Variants in RAPH1 observed in about 807,000 individuals in gnomAD.
RAPH1 encodes the protein Ras association (RalGDS/AF-6) and pleckstrin homology domains 1.
A neutral mutation model predicts 88.1 loss-of-function variants in RAPH1; 18 were observed. The observed-to-expected ratio is 0.20, with a 90% CI of 0.14 to 0.30. The LOEUF (loss-of-function observed/expected upper bound fraction) is 0.30, where lower values mean the gene tolerates loss of function less well. Among genes scored for constraint, RAPH1 ranks in the 10% least tolerant of loss-of-function variants. The pLI is 1.00. For synonymous variants in RAPH1, 587 were observed against 559.0 expected (o/e 1.05, Z -0.71); for missense variants, 1,448 against 1,543.2 (o/e 0.94, Z 1.03).
chr2:203,449,804 C>G (rs2098513197), intron 10 of RAPH1, among the ~76,000 whole-genome samples: 1 of 152,098 alleles, frequency 6.6e-6, no homozygotes, highest in Admixed American at 6.5e-5. Context: ...GCGGGTGGAT[C>G]AAGGAGTCAG....
chr2:203,444,807 A>T, intron 13 of RAPH1, 61 bp downstream of exon 13: 1 of 1,510,710 alleles, frequency 6.6e-7, no homozygotes, highest in Non-Finnish European at 9.1e-7. Flanking sequence ...TAAGAGAGCA[A>T]CAATTTAAAC....
intron 1 of RAPH1, among the ~76,000 whole-genome samples, chr2:203,521,420 T>C (rs1689862863): frequency 6.6e-6 from 1 of 152,140 alleles, no homozygotes; most frequent in Non-Finnish European, 1.5e-5. Context: ...CACAGAAGAA[T>C]ATTAAGTAAA....
chr2:203,488,846 G>A (rs905354592), intron 4 of RAPH1, among the ~76,000 whole-genome samples: 7 of 151,866 alleles, frequency 4.6e-5, no homozygotes, highest in Non-Finnish European at 8.8e-5. Context: ...ATGGAGGGCC[G>A]GGCACAGTGG....
intron 1 of RAPH1, among the ~76,000 whole-genome samples, chr2:203,497,198 C>A (rs1688555441): frequency 6.6e-6 from 1 of 152,180 alleles, no homozygotes; most frequent in Admixed American, 6.5e-5. Context: ...TCTCGTGCCT[C>A]CCTGTGGAGG....
chr2:203,509,687 G>A (rs188343619), intron 1 of RAPH1, among the ~76,000 whole-genome samples: 49 of 152,138 alleles, frequency 3.2e-4, no homozygotes, highest in African/African-American at 1.2e-3. Flanking sequence ...GTTTGGATGG[G>A]TATCCCTGCA....
At chr2:203,525,733 G>A (rs1690085894) in intron 1 of RAPH1, among the ~76,000 whole-genome samples, 1 of 151,896 alleles carries the variant, frequency 6.6e-6, no homozygotes, top group Non-Finnish European at 1.5e-5. Context: ...GCTGAGATTG[G>A]GCCACTGCAC....
intron 1 of RAPH1, among the ~76,000 whole-genome samples, chr2:203,520,949 A>C (rs1173057461): frequency 2.0e-5 from 3 of 152,238 alleles, no homozygotes; most frequent in Non-Finnish European, 2.9e-5. Flanking sequence ...GTCCCCCAAA[A>C]GGGGAATGGA....
intron 4 of RAPH1, among the ~76,000 whole-genome samples, chr2:203,488,123 G>A (rs1382464041): frequency 1.3e-5 from 2 of 152,048 alleles, no homozygotes; most frequent in Non-Finnish European, 2.9e-5. Flanking sequence ...CCATCTCTTT[G>A]ATGAAAACAA....
chr2:203,481,015 C>G (rs1172635544), intron 4 of RAPH1, among the ~76,000 whole-genome samples: 7 of 152,072 alleles, frequency 4.6e-5, no homozygotes, highest in Non-Finnish European at 1.0e-4. Context: ...ACCTGCCAGC[C>G]CTCATCTTAA....
At chr2:203,519,111 G>A (rs1447515384) in intron 1 of RAPH1, among the ~76,000 whole-genome samples, 1 of 152,088 alleles carries the variant, frequency 6.6e-6, no homozygotes, top group African/African-American at 2.4e-5. Context: ...ATCTCTTCTC[G>A]AAGATAGAAG....
intron 2 of RAPH1, among the ~76,000 whole-genome samples, chr2:203,494,666 G>A (rs111322454): frequency 7.9e-5 from 12 of 151,842 alleles, no homozygotes; most frequent in African/African-American, 1.7e-4. Flanking sequence ...AAAATTAGCC[G>A]GGCGTGGTGG....
chr2:203,483,403 G>A (rs1484392519), intron 4 of RAPH1, among the ~76,000 whole-genome samples: 4 of 152,142 alleles, frequency 2.6e-5, no homozygotes, highest in African/African-American at 9.7e-5. Flanking sequence ...TTGAAAGGGA[G>A]GTAGAAAGAA....
intron 1 of RAPH1, among the ~76,000 whole-genome samples, chr2:203,531,440 G>A (rs907791379): frequency 5.9e-5 from 9 of 152,274 alleles, no homozygotes; most frequent in African/African-American, 1.9e-4. Flanking sequence ...TATCAAGACA[G>A]TGAAAAGATA....
intron 1 of RAPH1, among the ~76,000 whole-genome samples, chr2:203,506,826 A>C (rs1020676616): frequency 1.6e-3 from 38 of 24,216 alleles, no homozygotes; most frequent in East Asian, 3.3e-3. Flanking sequence ...ATATCTATAT[A>C]TATATCTATA....
In RAPH1 at chr2:203,441,051, AGGGGGTGGT is replaced by A; in HGVS notation, c.2130_2138del (p.Pro717_Pro719del). ...CTGGGGTTGGGGGTGGAGGAGGGGGAGGGGGTGGTGGAACAACTCCATTGGGGGGTACCA... is the reference window on the plus strand; with the variant it reads ...CTGGGGTTGGGGGTGGAGGAGGGGGAGGAACAACTCCATTGGGGGGTACCA... On this transcript the variant is annotated inframe_deletion, in exon 14 of 14. Coordinates refer to ENST00000319170, the MANE Select transcript of RAPH1 (RefSeq NM_213589.3). 3.1e-6 allele frequency: 1 copy of A among 323,180 alleles called. No individual in the cohort carries two copies. The highest frequency in any genetic ancestry group is 4.6e-6 in the Non-Finnish European group (1 of 218,258). The allele number at this position is 323,180 out of a possible 1,614,324, so 20.0% of individuals were successfully genotyped here.
chr2:203,440,452 G>T lies in RAPH1; in HGVS notation c.2738C>A (p.Ser913Tyr). The stretch of plus-strand genomic sequence containing the variant: ...AGGAGGGGGAGGAGGGAAGTCCGGA[G>T]AAGGGACTGGGATGGAGCTGGGCTG... ...KWQPSSIPVPSPDFPPPPPES... is the reference protein window; with the variant it reads ...KWQPSSIPVPYPDFPPPPPES... Residue 913 changes from serine (S) to tyrosine (Y), a missense_variant, in exon 14 of 14, where the codon TCT becomes TAT. This residue lies in a region of RAPH1 where 935 missense variants were observed against 890.1 expected (regional missense o/e 1.05). Transcript: ENST00000319170. 6.5e-7 allele frequency: 1 copy of T among 1,545,226 alleles called. No individual in the cohort carries two copies.
rs1363757348 is a variant in RAPH1 at position 203,440,045 on chromosome 2, T to C, written c.3145A>G (p.Lys1049Glu). ...GVLQQGCVSA[K>E]APVLSGRGKD... is the part of the protein sequence containing the mutation. ...CCACGCCCACTCAGAACAGGGGCTT[T>C]TGCTGACACACACCCTTGTTGGAGA... is the stretch of plus-strand genomic sequence containing the variant. The change falls in exon 14 of 14, where the codon AAA (lysine) becomes GAA (glutamate). Residue 1049 changes from lysine to glutamate, a missense_variant. Around this residue, in one of 2 missense-constraint regions of RAPH1, gnomAD observed 935 missense variants for 890.1 expected, o/e 1.05. Transcript: ENST00000319170. 8 of 1,613,534 alleles carry C rather than the reference T, an allele frequency of 5.0e-6. No individual in the cohort carries two copies. The highest frequency in any genetic ancestry group is 2.2e-5 in the East Asian group (1 of 44,856).
At chr2:203,502,942 G>A (rs978759449) in intron 1 of RAPH1, among the ~76,000 whole-genome samples, 2 of 151,976 alleles carry the variant, frequency 1.3e-5, no homozygotes, top group Admixed American at 6.6e-5. Flanking sequence ...TCAGGAGTTC[G>A]AGACCAGCCT....
intron 6 of RAPH1, 79 bp from the exon 7 acceptor site, chr2:203,460,107 T>A: frequency 1.6e-6 from 2 of 1,271,020 alleles, no homozygotes; most frequent in Non-Finnish European, 2.2e-6. Flanking sequence ...GTGAAGTAGT[T>A]AACCTCAGAA....
Sources: gnomAD v4.1 joint callset for allele counts (sites outside exome capture counted in the v4.1 genomes callset) on GRCh38, gnomAD v4.1.1 for gene constraint, gnomAD v4.1.1 regional missense constraint, MANE v1.5 for transcripts, NCBI Gene and HGNC (gene_info 2026-07-23, HGNC 2026-07-21) for gene names.